The following CAST variants were observed in gnomAD, a reference collection of about 807,000 sequenced individuals.
CAST encodes the protein calpastatin.
Under a neutral mutation model 119.6 loss-of-function variants are expected in CAST, and 76 were observed. That is an observed-to-expected ratio of 0.64 (90% CI 0.53 to 0.77). The LOEUF (loss-of-function observed/expected upper bound fraction) is 0.77, where lower values mean the gene tolerates loss of function less well. CAST is among the 30% of genes least tolerant of loss of function. CAST has a pLI of 0.00. For missense variants in CAST, 953 were observed against 946.5 expected, an observed-to-expected ratio of 1.01 and a Z score of -0.09; for synonymous variants, 319 against 331.6, an observed-to-expected ratio of 0.96 and a Z score of 0.41.
At chr5:96,165,219 C>T in the CAST span, among the ~76,000 whole-genome samples, 2 of 151,656 alleles carry the variant, frequency 1.3e-5, no homozygotes, top group African/African-American at 2.4e-5. Context: ...GTCTTTGGGG[C>T]CTTGAAAAGA....
chr5:96,534,781 G>GAA (rs761424177), intron 1 of CAST, among the ~76,000 whole-genome samples: 1 of 114,476 alleles, frequency 8.7e-6, no homozygotes, highest in African/African-American at 3.4e-5. Flanking sequence ...AAGAAAGAAA[G>GAA]AAAGAAAGAA....
the CAST span, among the ~76,000 whole-genome samples, chr5:95,997,087 A>G: frequency 1.3e-5 from 2 of 152,180 alleles, no homozygotes; most frequent in African/African-American, 2.4e-5. Flanking sequence ...TTTCCATACA[A>G]TGACTCAACA....
At chr5:95,990,015 C>G in the CAST span, among the ~76,000 whole-genome samples, 1 of 152,094 alleles carries the variant, frequency 6.6e-6, no homozygotes, top group Non-Finnish European at 1.5e-5. Context: ...GAATAAAATT[C>G]CACTTCTACT....
At chr5:96,771,922 T>A (rs1041127702) in intron 31 of CAST, 1 of 378,068 alleles carries the variant, frequency 2.6e-6, no homozygotes, top group African/African-American at 2.1e-5. Context: ...CTTAATCTTA[T>A]AATTAAAAGC....
the CAST span, among the ~76,000 whole-genome samples, chr5:96,092,811 A>G: frequency 6.6e-6 from 1 of 152,174 alleles, no homozygotes; most frequent in South Asian, 2.1e-4. Flanking sequence ...GCAGCTTTAG[A>G]ATCATAGAAA....
Position 96,740,802 on chromosome 5 carries a change from C to T in CAST, c.918+19C>T, listed in dbSNP as rs752019298. The T allele has an allele frequency of 6.6e-7, 1 of 1,511,750 alleles. No homozygotes were observed. Among genetic ancestry groups the T allele is most frequent in the South Asian group, 1.1e-5 (1 of 88,722 alleles). 93.6% of individuals were successfully genotyped at this position (1,511,750 alleles called of 1,614,324 possible). On this transcript the variant is annotated intron_variant, in intron 13 of 31. Coordinates refer to ENST00000675179, the MANE Select transcript of CAST (RefSeq NM_001750.7). ...CTCTTCGGTGAGTTTACATACATGT[C>T]TTCTGATCTAAATTAATAGTTTTAT...
At chr5:96,070,525 G>A in the CAST span, among the ~76,000 whole-genome samples, 15 of 152,178 alleles carry the variant, frequency 9.9e-5, no homozygotes, top group South Asian at 2.1e-4. Context: ...ACGTTAGTGA[G>A]TGAAGAAGAG....
chr5:96,472,961 C>T, the CAST span, among the ~76,000 whole-genome samples: 2 of 152,156 alleles, frequency 1.3e-5, no homozygotes, highest in Non-Finnish European at 2.9e-5. Context: ...CAGCCCGAAG[C>T]ATTCCTTGGC....
intron 3 of CAST, among the ~76,000 whole-genome samples, chr5:96,720,527 T>G (rs1758045231): frequency 6.6e-6 from 1 of 152,210 alleles, no homozygotes. Context: ...AGCTTTCATA[T>G]TTCAGTTTTA....
chr5:96,367,201 G>A, the CAST span, among the ~76,000 whole-genome samples: 4 of 152,172 alleles, frequency 2.6e-5, no homozygotes, highest in South Asian at 8.3e-4. Context: ...TCTCAGAGGG[G>A]TACCCGGCCA....
At chr5:96,693,157 G>A (rs1156667570) in intron 2 of CAST, among the ~76,000 whole-genome samples, 4 of 152,300 alleles carry the variant, frequency 2.6e-5, no homozygotes, top group African/African-American at 9.6e-5. Context: ...TCTCACTTCA[G>A]CTGAACTACA....
chr5:96,106,598 TA>T, the CAST span, among the ~76,000 whole-genome samples: 3 of 148,230 alleles, frequency 2.0e-5, no homozygotes, highest in Admixed American at 2.0e-4. Flanking sequence ...TAGTTTGTTA[TA>T]ATTTCTGTTC....
intron 1 of CAST, among the ~76,000 whole-genome samples, chr5:96,653,603 T>C (rs1006861880): frequency 6.6e-6 from 1 of 152,204 alleles, no homozygotes; most frequent in Admixed American, 6.5e-5. Flanking sequence ...AAGTCCTAGA[T>C]TAGAGTAAGC....
At chr5:96,384,680 T>C in the CAST span, among the ~76,000 whole-genome samples, 263 of 152,292 alleles carry the variant, frequency 1.7e-3, 1 homozygote, top group African/African-American at 6.0e-3. Context: ...TTGCTTCTGA[T>C]GGAACCCAGA....
At chr5:96,633,841 C>T (rs1428688371) in intron 1 of CAST, among the ~76,000 whole-genome samples, 1 of 152,236 alleles carries the variant, frequency 6.6e-6, no homozygotes, top group African/African-American at 2.4e-5. Flanking sequence ...CAGAAACACA[C>T]TCTACATCAG....
intron 1 of CAST, among the ~76,000 whole-genome samples, chr5:96,607,545 T>C (rs1747282026): frequency 6.6e-6 from 1 of 151,438 alleles, no homozygotes; most frequent in Admixed American, 6.6e-5. Context: ...ACATTTAAAA[T>C]TACCTTTTTA....
At chr5:96,492,990 C>T in the CAST span, among the ~76,000 whole-genome samples, 13 of 152,204 alleles carry the variant, frequency 8.5e-5, no homozygotes, top group Middle Eastern at 3.4e-3. Flanking sequence ...AAAATGGCCC[C>T]GTTTTTACAA....
chr5:96,642,663 T>A (rs1286745510), intron 1 of CAST, among the ~76,000 whole-genome samples: 2 of 151,476 alleles, frequency 1.3e-5, no homozygotes, highest in Non-Finnish European at 2.9e-5. Context: ...TGCTTCAGCC[T>A]CCCAGGTAGC....
the CAST span, among the ~76,000 whole-genome samples, chr5:96,016,490 C>T: frequency 6.6e-6 from 1 of 152,200 alleles, no homozygotes; most frequent in African/African-American, 2.4e-5. Context: ...ACCTCAGGTT[C>T]TCCTTATCTC....
Sources: gnomAD v4.1 joint callset for allele counts (sites outside exome capture counted in the v4.1 genomes callset) on GRCh38, gnomAD v4.1.1 for gene constraint, MANE v1.5 for transcripts, NCBI Gene and HGNC (gene_info 2026-07-23, HGNC 2026-07-21) for gene names.